SNX13: variants seen among roughly 807,000 people sequenced by gnomAD.
The protein encoded by SNX13 is sorting nexin 13, also known as sorting nexin-13.
In SNX13, 45 loss-of-function variants were observed where a neutral mutation model predicts 133.6. That is an observed-to-expected ratio of 0.34 (90% confidence interval 0.27 to 0.43). SNX13 has a LOEUF of 0.43. Ranked by LOEUF, SNX13 falls within the 20% of genes least tolerant of loss-of-function variation. SNX13 has a pLI of 1.00. For missense variants in SNX13, 1,032 were observed against 1,145.1 expected, an observed-to-expected ratio of 0.90 and a Z score of 1.43; for synonymous variants, 414 against 373.9, an observed-to-expected ratio of 1.11 and a Z score of -1.24.
intron 1 of SNX13, among the ~76,000 whole-genome samples, chr7:17,900,835 A>T (rs957076400): frequency 6.6e-6 from 1 of 152,066 alleles, no homozygotes; most frequent in African/African-American, 2.4e-5. Flanking sequence ...AAGGTGCAAC[A>T]CAAAGTCCCC....
At chr7:17,891,401 A>G (rs1796611096) in intron 4 of SNX13, 145 bp downstream of exon 4, 2 of 501,790 alleles carry the variant, frequency 4.0e-6, no homozygotes, top group Non-Finnish European at 6.9e-6. Flanking sequence ...TAAATAAGGA[A>G]GCATCTTCAA....
intron 20 of SNX13, among the ~76,000 whole-genome samples, chr7:17,808,561 C>T (rs1044470855): frequency 6.6e-6 from 1 of 152,136 alleles, no homozygotes; most frequent in Non-Finnish European, 1.5e-5. Context: ...ACTTCCCCAA[C>T]CTAGCAAGGC....
chr7:17,819,102 G>A (rs1475466609), intron 18 of SNX13, among the ~76,000 whole-genome samples: 1 of 152,088 alleles, frequency 6.6e-6, no homozygotes, highest in African/African-American at 2.4e-5. Context: ...CAATGAATGA[G>A]CAGCTCAGGC....
At chr7:17,840,082 G>A in intron 12 of SNX13, 82 bp from the exon 13 acceptor site, 8 of 1,168,998 alleles carry the variant, frequency 6.8e-6, no homozygotes, top group Non-Finnish European at 9.3e-6. Context: ...AAGTAAAGAA[G>A]GATTAAAGTT....
At chr7:17,882,894 T>C in intron 5 of SNX13, 5 of 1,248,496 alleles carry the variant, frequency 4.0e-6, no homozygotes, top group Non-Finnish European at 5.3e-6. Flanking sequence ...GAGGTTGCAG[T>C]GAGCCGAGAT....
chr7:17,893,035 T>C (rs1194463283), intron 3 of SNX13, among the ~76,000 whole-genome samples: 2 of 152,198 alleles, frequency 1.3e-5, no homozygotes, highest in Non-Finnish European at 2.9e-5. Flanking sequence ...AAAAATCATA[T>C]GCATGATGCT....
At chr7:17,938,217 C>T (rs1230884550) in intron 1 of SNX13, among the ~76,000 whole-genome samples, 1 of 152,158 alleles carries the variant, frequency 6.6e-6, no homozygotes. Context: ...TAATCATTTT[C>T]AGTTTACTGA....
chr7:17,937,222 A>G (rs561925466), intron 1 of SNX13, among the ~76,000 whole-genome samples: 1 of 152,246 alleles, frequency 6.6e-6, no homozygotes, highest in Non-Finnish European at 1.5e-5. Flanking sequence ...ACATTAATCT[A>G]TATTTCATAG....
chr7:17,883,331 G>C (rs1356420416), intron 5 of SNX13, among the ~76,000 whole-genome samples: 3 of 152,054 alleles, frequency 2.0e-5, no homozygotes, highest in Non-Finnish European at 2.9e-5. Context: ...TAAAATACAG[G>C]AAAAAACATA....
chr7:17,843,431 A>G (rs1790135000), intron 12 of SNX13, among the ~76,000 whole-genome samples: 1 of 152,140 alleles, frequency 6.6e-6, no homozygotes, highest in Non-Finnish European at 1.5e-5. Context: ...AAAATATATG[A>G]AGCAAAAACA....
Position 17,791,814 on chromosome 7 carries a change from A to G in SNX13, c.*2231T>C, listed in dbSNP as rs971189440. 5.9e-5 allele frequency: 9 copies of G among 152,242 alleles called. No individual in the cohort carries two copies. The highest frequency in any genetic ancestry group is 1.9e-4 in the East Asian group (1 of 5,184). 9.4% of individuals were successfully genotyped at this position (152,242 alleles called of 1,614,324 possible). A position where few individuals can be genotyped will look rare whatever the true frequency, so the allele number is the denominator to read the frequency against. ...TCAAAAAGTTATCTCTAATTTTAGCATGACCACAGCTCTTTCTGATGTAAA... is the reference window on the plus strand; with the variant it reads ...TCAAAAAGTTATCTCTAATTTTAGCGTGACCACAGCTCTTTCTGATGTAAA... On this transcript the variant is annotated 3_prime_UTR_variant, in exon 26 of 26. Coordinates refer to ENST00000428135, the MANE Select transcript of SNX13 (RefSeq NM_015132.5).
At chr7:17,873,482 C>A in intron 8 of SNX13, 46 bp downstream of exon 8, 2 of 1,341,686 alleles carry the variant, frequency 1.5e-6, no homozygotes, top group Non-Finnish European at 2.0e-6. Context: ...AAAACTACTG[C>A]TCTACATTTT....
At chr7:17,932,180 T>A (rs899615423) in intron 1 of SNX13, among the ~76,000 whole-genome samples, 4 of 152,218 alleles carry the variant, frequency 2.6e-5, no homozygotes, top group Non-Finnish European at 5.9e-5. Context: ...GTAATATTAA[T>A]GAAATCATAA....
chr7:17,829,811 A>G (rs769820821), intron 16 of SNX13, among the ~76,000 whole-genome samples, 199 bp downstream of exon 16: 4 of 151,372 alleles, frequency 2.6e-5, no homozygotes, highest in Non-Finnish European at 4.4e-5. Flanking sequence ...TAAAATAAAG[A>G]TAAAATATAA....
At chr7:17,819,859 A>T (rs559092129) in intron 18 of SNX13, among the ~76,000 whole-genome samples, 2 of 151,012 alleles carry the variant, frequency 1.3e-5, no homozygotes, top group East Asian at 2.0e-4. Context: ...TCACAACTTT[A>T]TAAGTTTTAT....
intron 20 of SNX13, among the ~76,000 whole-genome samples, chr7:17,804,605 T>C (rs934861691): frequency 1.3e-5 from 2 of 151,774 alleles, no homozygotes; most frequent in African/African-American, 4.8e-5. Flanking sequence ...TAATTTACAT[T>C]AATAAAGAAA....
chr7:17,929,505 C>T (rs1801150833), intron 1 of SNX13, among the ~76,000 whole-genome samples: 1 of 152,062 alleles, frequency 6.6e-6, no homozygotes, highest in Non-Finnish European at 1.5e-5. Context: ...ATTAACACCA[C>T]TCAAGTCAAC....
At position 17,834,897 on chromosome 7, in the gene SNX13, G is replaced by T. The variant is rs758306893; in HGVS notation, c.1360-32C>A. 3 of 1,279,550 alleles carry T rather than the reference G, an allele frequency of 2.3e-6. No homozygotes were observed. In the East Asian group the frequency reaches 7.1e-5, roughly 30 times the overall value. 79.3% of individuals were successfully genotyped at this position (1,279,550 alleles called of 1,614,324 possible). ...GAGAAAAATAATAGTAATGATCTCT[G>T]TAATTTCTTAATACAAGATGATACT... On this transcript the variant is annotated intron_variant, in intron 13 of 25. Coordinates refer to ENST00000428135, the MANE Select transcript of SNX13 (RefSeq NM_015132.5).
At chr7:17,875,843 T>C (rs1430264169) in intron 5 of SNX13, 53 bp from the exon 6 acceptor site, 2 of 1,406,452 alleles carry the variant, frequency 1.4e-6, no homozygotes, top group East Asian at 2.4e-5. Flanking sequence ...TATCAGAAAA[T>C]ATAAATTCAT....
Sources: allele counts gnomAD v4.1 joint callset (sites outside exome capture counted in the v4.1 genomes callset), GRCh38; gene constraint gnomAD v4.1.1; transcripts MANE v1.5; gene names NCBI Gene and HGNC (gene_info 2026-07-23, HGNC 2026-07-21).